SEL1L3: variants seen among roughly 807,000 people sequenced by gnomAD.
The protein encoded by SEL1L3 is SEL1L family member 3.
In SEL1L3, 76 loss-of-function variants were observed where a neutral mutation model predicts 142.8. That is an observed-to-expected ratio of 0.53 (90% CI 0.44 to 0.64). SEL1L3 has a LOEUF of 0.64. SEL1L3 is among the 30% of genes least tolerant of loss of function. The pLI, the probability that SEL1L3 is intolerant of heterozygous loss-of-function variation, is 0.00. For missense variants in SEL1L3, 1,262 were observed against 1,381.7 expected (o/e 0.91, Z 1.37); for synonymous variants, 504 against 519.6 (o/e 0.97, Z 0.41).
At position 25,790,484 on chromosome 4, in the gene SEL1L3, C is replaced by T; in HGVS notation, c.2047G>A (p.Glu683Lys). Residue 683 changes from glutamate to lysine, a missense_variant, in exon 12 of 24, where the codon GAA becomes AAA. Physicochemically the swap from Glu to Lys is moderately conservative, Grantham distance 56 (BLOSUM62 1). Around this residue, in one of 3 missense-constraint regions of SEL1L3, gnomAD observed 435 missense variants for 559.2 expected, o/e 0.78. Transcript: ENST00000399878. ...DGDVFMWLKH[E>K]ATRGNAAAQQ... The stretch of plus-strand genomic sequence containing the variant: ...GCTGCTGCATTGCCTCGGGTAGCTT[C>T]ATGCTTCAACCACATAAAGACATCT... 6.2e-7 allele frequency: 1 copy of T among 1,613,852 alleles called. No homozygotes were observed. Among genetic ancestry groups the T allele is most frequent in the South Asian group, 1.1e-5 (1 of 91,064 alleles).
At chr4:25,720,025 G>A in the SEL1L3 span, 13 of 152,170 alleles carry the variant, frequency 8.5e-5, no homozygotes, top group East Asian at 1.9e-3. Context: ...TGTAAATAGA[G>A]GGCATTTGGT....
intron 17 of SEL1L3, among the ~76,000 whole-genome samples, chr4:25,769,514 T>G (rs10021105): frequency 0.011 from 1,722 of 152,322 alleles, 44 homozygotes; most frequent in African/African-American, 0.039. Context: ...TGCTTGGGGA[T>G]TAGCTAACAT....
At chr4:25,836,934 C>T (rs1715864031) in intron 2 of SEL1L3, among the ~76,000 whole-genome samples, 1 of 152,150 alleles carries the variant, frequency 6.6e-6, no homozygotes, top group African/African-American at 2.4e-5. Context: ...TTTAGAATCA[C>T]AGGCCCTTGT....
At position 25,831,528 on chromosome 4, in the gene SEL1L3, T is replaced by C. The variant is rs879665172; in HGVS notation, c.1099-1372A>G. On this transcript the variant is annotated intron_variant, in intron 5 of 23. Transcript: ENST00000399878. ...TAATAATAATTATTATTATTATTATTATTATTATTATTATTGAGACAGAGT... is the reference window on the plus strand; with the variant it reads ...TAATAATAATTATTATTATTATTATCATTATTATTATTATTGAGACAGAGT... Among the ~76,000 whole-genome samples the C allele has an allele frequency of 2.8e-5, 4 of 144,048 alleles. No homozygotes were observed. The East Asian group carries it at 6.0e-4, about 21-fold the overall frequency. The allele number at this position is 144,048 out of a possible 152,430, so 94.5% of individuals were successfully genotyped here.
chr4:25,814,062 G>A (rs1560324072), intron 9 of SEL1L3, among the ~76,000 whole-genome samples: 2 of 152,308 alleles, frequency 1.3e-5, no homozygotes, highest in South Asian at 2.1e-4. Context: ...GAAGTGGAGT[G>A]CTGGCTGTGT....
At chr4:25,851,946 G>C (rs945565621) in intron 1 of SEL1L3, among the ~76,000 whole-genome samples, 2 of 151,614 alleles carry the variant, frequency 1.3e-5, no homozygotes, top group African/African-American at 4.9e-5. Flanking sequence ...AATGGCAGAG[G>C]GAATAGGAGA....
intron 1 of SEL1L3, among the ~76,000 whole-genome samples, chr4:25,856,490 T>TA: frequency 6.6e-6 from 1 of 151,934 alleles, no homozygotes; most frequent in Non-Finnish European, 1.5e-5. Flanking sequence ...CAAATATGTT[T>TA]ATACCAGATG....
At chr4:25,837,637 A>T (rs1371562120) in intron 2 of SEL1L3, among the ~76,000 whole-genome samples, 1 of 152,136 alleles carries the variant, frequency 6.6e-6, no homozygotes, top group Non-Finnish European at 1.5e-5. Flanking sequence ...TGCGATGTGT[A>T]TAATTTGGAT....
chr4:25,792,528 C>T (rs571098760), intron 11 of SEL1L3, among the ~76,000 whole-genome samples: 1 of 152,368 alleles, frequency 6.6e-6, no homozygotes, highest in East Asian at 1.9e-4. Context: ...AGGACACTGT[C>T]CTGGGTGGGG....
At chr4:25,802,560 C>T in intron 10 of SEL1L3, 98 bp from the exon 11 acceptor site, 1 of 971,506 alleles carries the variant, frequency 1.0e-6, no homozygotes, top group Non-Finnish European at 1.5e-6. Context: ...TATATACAAT[C>T]CTAGCCATTC....
chr4:25,742,803 AC>A (rs1717158044), downstream of SEL1L3, among the ~76,000 whole-genome samples: 1 of 152,166 alleles, frequency 6.6e-6, no homozygotes, highest in Non-Finnish European at 1.5e-5. Context: ...TTTGTTGGAT[AC>A]TTTACTGAGA....
chr4:25,815,552 C>G (rs1455430243), intron 9 of SEL1L3, among the ~76,000 whole-genome samples: 1 of 152,136 alleles, frequency 6.6e-6, no homozygotes, highest in Non-Finnish European at 1.5e-5. Context: ...AGGATGCACT[C>G]CTGTTCCCAA....
Position 25,782,265 on chromosome 4 carries a change from G to T in SEL1L3, c.2434C>A (p.Pro812Thr). ...ACTTGATTCCTTCCAGGAACTCCAGGGAAGATGCCATCCAAATGCAGGACT... is the reference window on the plus strand; with the variant it reads ...ACTTGATTCCTTCCAGGAACTCCAGTGAAGATGCCATCCAAATGCAGGACT... ...LGVLHLDGIF[P>T]GVPGRNQTLA... is the part of the protein sequence containing the mutation. Residue 812 changes from proline (P) to threonine (T), a missense_variant, in exon 15 of 24, where the codon CCT becomes ACT. By Grantham distance (38) the Pro-to-Thr change is conservative. This residue lies in a region of SEL1L3 where 435 missense variants were observed against 559.2 expected (regional missense o/e 0.78). Coordinates refer to ENST00000399878, the MANE Select transcript of SEL1L3 (RefSeq NM_015187.5). 6.2e-7 allele frequency: 1 copy of T among 1,613,772 alleles called. No homozygotes were observed. The highest frequency in any genetic ancestry group is 1.3e-5 in the African/African-American group (1 of 75,008).
intron 11 of SEL1L3, among the ~76,000 whole-genome samples, chr4:25,800,668 T>A (rs189310526): frequency 0.012 from 1,769 of 152,136 alleles, 30 homozygotes; most frequent in African/African-American, 0.038. Flanking sequence ...ATTCTTTTTT[T>A]AAAAAAAACT....
chr4:25,726,550 A>C, the SEL1L3 span, among the ~76,000 whole-genome samples: 2,102 of 150,404 alleles, frequency 0.014, 45 homozygotes, highest in African/African-American at 0.046. Context: ...AAAAAACCCA[A>C]AAAAAAACCT....
At chr4:25,726,959 T>G in the SEL1L3 span, among the ~76,000 whole-genome samples, 1 of 145,062 alleles carries the variant, frequency 6.9e-6, no homozygotes, top group Non-Finnish European at 1.5e-5. Flanking sequence ...CTCCTTGGCT[T>G]GCAGACAGAT....
chr4:25,832,029 G>A (rs1370593169), intron 5 of SEL1L3, among the ~76,000 whole-genome samples: 1 of 152,136 alleles, frequency 6.6e-6, no homozygotes, highest in Non-Finnish European at 1.5e-5. Flanking sequence ...AGCTATTATG[G>A]CCATCATAAT....
At chr4:25,859,610 A>G (rs1446940905) in intron 1 of SEL1L3, among the ~76,000 whole-genome samples, 1 of 152,188 alleles carries the variant, frequency 6.6e-6, no homozygotes, top group Non-Finnish European at 1.5e-5. Flanking sequence ...GAACAGGCAA[A>G]TAGGTGAAGA....
the SEL1L3 span, among the ~76,000 whole-genome samples, chr4:25,731,839 G>A: frequency 1.1e-4 from 17 of 152,250 alleles, no homozygotes; most frequent in East Asian, 2.5e-3. Flanking sequence ...TTGGGAGGCC[G>A]AGACAGGTGG....
Sources: allele counts gnomAD v4.1 joint callset (sites outside exome capture counted in the v4.1 genomes callset), GRCh38; gene constraint gnomAD v4.1.1; regional missense constraint gnomAD v4.1.1; transcripts MANE v1.5; gene names NCBI Gene and HGNC (gene_info 2026-07-23, HGNC 2026-07-21).